The following SLC2A7 variants were observed in gnomAD, a reference collection of about 807,000 sequenced individuals.
SLC2A7 encodes the protein solute carrier family 2, facilitated glucose transporter member 7.
SLC2A7 carries 50 observed loss-of-function variants against 50.5 expected under a neutral mutation model. The ratio of observed to expected loss-of-function variants is 0.99; its 90% CI spans 0.79 to 1.25. SLC2A7 has a LOEUF of 1.25. Among genes scored for constraint, SLC2A7 ranks in the 50% most tolerant of loss-of-function variants. The pLI is 0.00. For missense variants in SLC2A7, 683 were observed against 679.1 expected (o/e 1.01, Z -0.06); for synonymous variants, 308 against 300.4 (o/e 1.03, Z -0.26).
chr1:9,024,005 G>A lies in SLC2A7; in HGVS notation c.151-927C>T, dbSNP rs370201419. Among the ~76,000 whole-genome samples the A allele has an allele frequency of 1.6e-4, 24 of 151,602 alleles. 1 individual carries two copies. In the South Asian group the frequency reaches 3.8e-3, roughly 24 times the overall value. ...CGAGTAGCTGGAATTACAGATACCC[G>A]CCACCATGCCTGGCTAATTTTTGGA... On this transcript the variant is annotated intron_variant, in intron 2 of 11. Transcript: ENST00000400906.
At chr1:9,002,793 G>A (rs1398666793), downstream of SLC2A7, among the ~76,000 whole-genome samples, 2 of 152,210 alleles carry the variant, frequency 1.3e-5, no homozygotes, top group Non-Finnish European at 2.9e-5. Context: ...AGGTGTCGAG[G>A]GGCTGGCCCC....
At chr1:9,000,598 A>T (rs1640560513), downstream of SLC2A7, among the ~76,000 whole-genome samples, 2 of 152,206 alleles carry the variant, frequency 1.3e-5, no homozygotes, top group South Asian at 4.2e-4. Context: ...CAGCCTGGGC[A>T]ACAGAGCAAG....
At chr1:8,998,692 CA>C (rs1181737769), downstream of SLC2A7, among the ~76,000 whole-genome samples, 1 of 152,158 alleles carries the variant, frequency 6.6e-6, no homozygotes, top group Non-Finnish European at 1.5e-5. Context: ...CACCCCCTGC[CA>C]AAAACAGCCT....
At chr1:9,019,927 A>T (rs1640888623) in intron 3 of SLC2A7, among the ~76,000 whole-genome samples, 1 of 152,148 alleles carries the variant, frequency 6.6e-6, no homozygotes, top group Admixed American at 6.6e-5. Context: ...CCAACTCAAA[A>T]AAAAGAAAAA....
chr1:9,005,989 C>T (rs565858329), intron 10 of SLC2A7, among the ~76,000 whole-genome samples: 1 of 152,214 alleles, frequency 6.6e-6, no homozygotes, highest in Admixed American at 6.5e-5. Context: ...CTGCCTTCCT[C>T]CTGTCCACCA....
chr1:8,992,725 C>G, the SLC2A7 span, among the ~76,000 whole-genome samples: 1 of 152,002 alleles, frequency 6.6e-6, no homozygotes, highest in African/African-American at 2.4e-5. Flanking sequence ...CCAGTATAGC[C>G]GGAGCCCAGG....
chr1:9,002,380 G>A (rs946956703), downstream of SLC2A7, among the ~76,000 whole-genome samples: 2 of 152,232 alleles, frequency 1.3e-5, no homozygotes, highest in Non-Finnish European at 2.9e-5. Flanking sequence ...TGTTTACTGA[G>A]ATAGGAGAAA....
chr1:8,996,710 C>T, the SLC2A7 span, among the ~76,000 whole-genome samples: 53,791 of 152,010 alleles, frequency 0.35, 10,069 homozygotes, highest in East Asian at 0.66. Flanking sequence ...AAATTTTAGG[C>T]ATCCTAACAA....
intron 8 of SLC2A7, among the ~76,000 whole-genome samples, chr1:9,011,305 A>T (rs1179889252): frequency 6.6e-6 from 1 of 152,076 alleles, no homozygotes; most frequent in African/African-American, 2.4e-5. Context: ...AGCAGTAGCC[A>T]CCTCCTGATC....
the SLC2A7 span, among the ~76,000 whole-genome samples, chr1:8,995,399 G>T: frequency 1.3e-5 from 2 of 151,244 alleles, no homozygotes; most frequent in African/African-American, 2.4e-5. Context: ...AGTGAACTGA[G>T]ATCGCGCCAC....
intron 8 of SLC2A7, among the ~76,000 whole-genome samples, chr1:9,011,242 T>C (rs973223905): frequency 3.3e-5 from 5 of 152,274 alleles, no homozygotes; most frequent in Non-Finnish European, 7.3e-5. Flanking sequence ...AGGCCCGGAA[T>C]GGCGTGGACC....
In SLC2A7 at chr1:9,010,257, G is replaced by T; in HGVS notation, c.1015-13C>A. ...CCACAAGGACAGCCTGGAGGGGAAGGGGGACAGTGAGAAGCCGCCTTGGCC... is the reference window on the plus strand; with the variant it reads ...CCACAAGGACAGCCTGGAGGGGAAGTGGGACAGTGAGAAGCCGCCTTGGCC... On this transcript the variant is annotated splice_polypyrimidine_tract_variant and intron_variant, in intron 8 of 11. Coordinates refer to ENST00000400906, the MANE Select transcript of SLC2A7 (RefSeq NM_207420.3). 6.5e-7 allele frequency: 1 copy of T among 1,549,762 alleles called. No individual in the cohort carries two copies. The highest frequency in any genetic ancestry group is 8.7e-7 in the Non-Finnish European group (1 of 1,146,220).
the SLC2A7 span, among the ~76,000 whole-genome samples, chr1:8,996,252 T>G: frequency 4.1e-4 from 63 of 152,202 alleles, no homozygotes; most frequent in African/African-American, 1.4e-3. Context: ...TTCTGGAAAT[T>G]TATACAACTG....
At chr1:9,023,449 T>C (rs1640944560) in intron 2 of SLC2A7, among the ~76,000 whole-genome samples, 1 of 151,380 alleles carries the variant, frequency 6.6e-6, no homozygotes. Context: ...CTACTAAAAA[T>C]ACAAAAAATT....
At chr1:9,015,290 G>T in intron 5 of SLC2A7, 48 bp from the exon 6 acceptor site, 1 of 1,522,690 alleles carries the variant, frequency 6.6e-7, no homozygotes, top group Non-Finnish European at 8.7e-7. Flanking sequence ...GCACCCCCTG[G>T]CCCACCTACC....
intron 8 of SLC2A7, among the ~76,000 whole-genome samples, chr1:9,012,132 A>T (rs1211723722): frequency 1.3e-5 from 2 of 151,924 alleles, no homozygotes; most frequent in Admixed American, 6.6e-5. Context: ...CCCTTGACTC[A>T]TGTTAGCTGA....
intron 10 of SLC2A7, among the ~76,000 whole-genome samples, chr1:9,006,382 G>A (rs1429289393): frequency 6.6e-6 from 1 of 152,134 alleles, no homozygotes; most frequent in Non-Finnish European, 1.5e-5. Context: ...CGAGTAGCTG[G>A]GACTACAGGC....
At chr1:9,009,751 C>T (rs774859860) in intron 9 of SLC2A7, among the ~76,000 whole-genome samples, 1 of 152,246 alleles carries the variant, frequency 6.6e-6, no homozygotes, top group Non-Finnish European at 1.5e-5. Flanking sequence ...AGCCACTGTG[C>T]TCAGCCTCCT....
In SLC2A7 at chr1:9,008,271, G is replaced by GA. The variant is rs1272302378; in HGVS notation, c.1117-887dup. 2.6e-5 allele frequency among the ~76,000 whole-genome samples: 4 copies of GA among 152,158 alleles called. No individual in the cohort carries two copies. Among genetic ancestry groups the GA allele is most frequent in the African/African-American group, 9.7e-5 (4 of 41,444 alleles). Reference sequence around the variant, plus strand: ...AGAGCTGGATGGCGAGGTGGGAGGGGAGGCACTGGGAGCTTCCAAGCAGAG... The same window carrying GA: ...AGAGCTGGATGGCGAGGTGGGAGGGGAAGGCACTGGGAGCTTCCAAGCAGAG... On this transcript the variant is annotated intron_variant, in intron 9 of 11. Coordinates refer to ENST00000400906, the MANE Select transcript of SLC2A7 (RefSeq NM_207420.3). This position sits in a 1 kb window ranked among gnomAD's most constrained non-coding sequence, Gnocchi z 5.9.
Sources: gnomAD v4.1 joint callset for allele counts (sites outside exome capture counted in the v4.1 genomes callset) on GRCh38, gnomAD v4.1.1 for gene constraint, Gnocchi (gnomAD v3.1) non-coding constraint, MANE v1.5 for transcripts, NCBI Gene and HGNC (gene_info 2026-07-23, HGNC 2026-07-21) for gene names.